CHRNA7: variants seen among roughly 807,000 people sequenced by gnomAD.
The protein encoded by CHRNA7 is neuronal acetylcholine receptor subunit alpha-7.
Under a neutral mutation model 48.0 loss-of-function variants are expected in CHRNA7, and 17 were observed. That is an observed-to-expected ratio of 0.35 (90% CI 0.24 to 0.53). CHRNA7 has a LOEUF of 0.53. Ranked by LOEUF, CHRNA7 falls within the 20% of genes least tolerant of loss-of-function variation. The pLI is 0.92. For missense variants in CHRNA7, 155 were observed against 577.7 expected (o/e 0.27, Z 7.50); for synonymous variants, 75 against 242.3 (o/e 0.31, Z 6.41).
intron 2 of CHRNA7, among the ~76,000 whole-genome samples, chr15:32,066,351 C>T (rs541808792): frequency 2.0e-5 from 3 of 151,806 alleles, no homozygotes; most frequent in African/African-American, 7.2e-5. Flanking sequence ...GCGCGATGTC[C>T]ACTCACTGCA....
chr15:32,041,266 G>T (rs150564874), intron 2 of CHRNA7, among the ~76,000 whole-genome samples: 155 of 152,228 alleles, frequency 1.0e-3, no homozygotes, highest in Non-Finnish European at 1.7e-3. Flanking sequence ...TACTTCAACA[G>T]TCCCCAACCT....
chr15:32,038,522 G>A (rs560398711), intron 2 of CHRNA7, among the ~76,000 whole-genome samples: 17 of 152,206 alleles, frequency 1.1e-4, no homozygotes, highest in Non-Finnish European at 2.4e-4. Context: ...ACATTGTTGA[G>A]ATAAATTTGC....
chr15:32,048,406 T>C (rs568145453), intron 2 of CHRNA7, among the ~76,000 whole-genome samples: 18 of 152,348 alleles, frequency 1.2e-4, no homozygotes, highest in African/African-American at 4.3e-4. Flanking sequence ...TGGGAGAGTG[T>C]ATGTGTCGAG....
intron 4 of CHRNA7, among the ~76,000 whole-genome samples, chr15:32,113,934 G>T (rs1222772878): frequency 3.3e-5 from 5 of 150,418 alleles, no homozygotes; most frequent in African/African-American, 1.2e-4. Context: ...GGAGGCTGAG[G>T]TAGAAGGATC....
At chr15:32,059,960 A>C (rs1294887466) in intron 2 of CHRNA7, among the ~76,000 whole-genome samples, 3 of 150,102 alleles carry the variant, frequency 2.0e-5, no homozygotes, top group Non-Finnish European at 4.4e-5. Flanking sequence ...AAAAAAAAAA[A>C]AAAAAAAAAA....
chr15:32,136,040 T>C (rs1274775328), intron 4 of CHRNA7, among the ~76,000 whole-genome samples: 1 of 151,848 alleles, frequency 6.6e-6, no homozygotes, highest in African/African-American at 2.4e-5. Context: ...ACTAAAGGAG[T>C]TTACCGTGCA....
At chr15:32,062,334 G>A (rs577254175) in intron 2 of CHRNA7, among the ~76,000 whole-genome samples, 42 of 152,144 alleles carry the variant, frequency 2.8e-4, no homozygotes, top group African/African-American at 8.9e-4. Flanking sequence ...AATATATAAT[G>A]TTTATATTAA....
At position 32,055,396 on chromosome 15, in the gene CHRNA7, G is replaced by A. The variant is rs185327542; in HGVS notation, c.195+24359G>A. Among the ~76,000 whole-genome samples, 417 of 152,226 alleles carry A rather than the reference G, an allele frequency of 2.7e-3. 3 individuals carry two copies. The highest frequency in any genetic ancestry group is 0.01 in the Middle Eastern group (3 of 294). On this transcript the variant is annotated intron_variant, in intron 2 of 9. Coordinates refer to ENST00000306901, the MANE Select transcript of CHRNA7 (RefSeq NM_000746.6). The stretch of plus-strand genomic sequence containing the variant: ...TAGAAATTTATTTCTCATAGTTCTG[G>A]GGATGGTAAAGTCTGATATCAAGGT...
intron 2 of CHRNA7, 134 bp downstream of exon 2, chr15:32,031,171 G>T: frequency 2.9e-6 from 3 of 1,038,118 alleles, no homozygotes; most frequent in Middle Eastern, 2.8e-4. Flanking sequence ...GCAGGGCCAT[G>T]CTCTGAGTCT....
Position 32,163,220 on chromosome 15 carries a change from C to G in CHRNA7, c.881-6C>G, listed in dbSNP as rs1289569131. On this transcript the variant is annotated splice_polypyrimidine_tract_variant and splice_region_variant and intron_variant, in intron 8 of 9. Transcript: ENST00000306901. Reference sequence around the variant, plus strand: ...GGGTCTCACCCTGCATCTGTTCTCTCCACAGCCCAGTACTTCGCCAGCACC... The same window carrying G: ...GGGTCTCACCCTGCATCTGTTCTCTGCACAGCCCAGTACTTCGCCAGCACC... 1.3e-6 allele frequency: 1 copy of G among 761,904 alleles called. No homozygotes were observed. Among genetic ancestry groups the G allele is most frequent in the Admixed American group, 2.6e-5 (1 of 38,046 alleles). 47.2% of individuals were successfully genotyped at this position (761,904 alleles called of 1,614,324 possible). A position where few individuals can be genotyped will look rare whatever the true frequency, so the allele number is the denominator to read the frequency against.
intron 3 of CHRNA7, among the ~76,000 whole-genome samples, chr15:32,105,448 G>C (rs2050650217): frequency 6.7e-6 from 1 of 150,246 alleles, no homozygotes; most frequent in Non-Finnish European, 1.5e-5. Flanking sequence ...CGGAGGAGAA[G>C]GAGGAAGAGG....
chr15:32,150,270 C>T (rs1367451615), intron 4 of CHRNA7, among the ~76,000 whole-genome samples: 1 of 152,096 alleles, frequency 6.6e-6, no homozygotes, highest in Non-Finnish European at 1.5e-5. Flanking sequence ...GTTGCCCAGT[C>T]TGGTCTCAAA....
intron 2 of CHRNA7, among the ~76,000 whole-genome samples, chr15:32,082,576 G>A (rs2050233592): frequency 6.6e-6 from 1 of 152,036 alleles, no homozygotes; most frequent in Non-Finnish European, 1.5e-5. Context: ...GAACTTAACA[G>A]TTCTTTCAAC....
At chr15:32,139,108 G>A (rs1257323859) in intron 4 of CHRNA7, among the ~76,000 whole-genome samples, 1 of 152,094 alleles carries the variant, frequency 6.6e-6, no homozygotes, top group East Asian at 1.9e-4. Context: ...CATATAATTG[G>A]AATCTTACAG....
At chr15:32,166,374 C>T (rs2052144479) in intron 9 of CHRNA7, 1 of 152,218 alleles carries the variant, frequency 6.6e-6, no homozygotes. Context: ...CCTCCAAGGT[C>T]AGCAGACCCA....
intron 3 of CHRNA7, 88 bp downstream of exon 3, chr15:32,101,435 G>A (rs2050570273): frequency 7.1e-7 from 1 of 1,409,422 alleles, no homozygotes; most frequent in Non-Finnish European, 9.7e-7. Flanking sequence ...GCTTGCTTCT[G>A]AGAGGTCCTG....
At chr15:32,031,335 C>T (rs1475679925) in intron 2 of CHRNA7, among the ~76,000 whole-genome samples, 1 of 152,226 alleles carries the variant, frequency 6.6e-6, no homozygotes, top group Non-Finnish European at 1.5e-5. Flanking sequence ...GCATCCTGAG[C>T]TGGGACTCAG....
At chr15:32,059,590 A>G (rs953897586) in intron 2 of CHRNA7, among the ~76,000 whole-genome samples, 1 of 152,272 alleles carries the variant, frequency 6.6e-6, no homozygotes, top group Admixed American at 6.5e-5. Flanking sequence ...TGCCTTTGCT[A>G]AGGAGCATTA....
At chr15:32,101,465 A>G in intron 3 of CHRNA7, 118 bp downstream of exon 3, 9 of 1,089,766 alleles carry the variant, frequency 8.3e-6, no homozygotes, top group South Asian at 1.6e-5. Flanking sequence ...AAAAACCAAA[A>G]AAACAAAAGG....
Sources: allele counts gnomAD v4.1 joint callset (sites outside exome capture counted in the v4.1 genomes callset), GRCh38; gene constraint gnomAD v4.1.1; transcripts MANE v1.5; gene names NCBI Gene and HGNC (gene_info 2026-07-23, HGNC 2026-07-21).